Variants in USP16 observed in about 807,000 individuals in gnomAD.
USP16 encodes ubiquitin specific peptidase 16.
USP16 carries 77 observed loss-of-function variants against 95.9 expected under a neutral mutation model. That is an observed-to-expected ratio of 0.80 (90% CI 0.67 to 0.97). USP16 has a LOEUF of 0.97. USP16 is among the 50% of genes least tolerant of loss of function. The pLI, the probability that USP16 is intolerant of heterozygous loss-of-function variation, is 0.00. For missense variants in USP16, 943 were observed against 959.9 expected (o/e 0.98, Z 0.23); for synonymous variants, 303 against 318.2 (o/e 0.95, Z 0.51).
rs73901170 is a variant in USP16 at position 29,047,330 on chromosome 21, A to C, written c.2011+9A>C. 1 of 1,597,370 alleles carries C rather than the reference A, an allele frequency of 6.3e-7. No individual in the cohort carries two copies. The stretch of plus-strand genomic sequence containing the variant: ...AAAGGCAAATATAAAAGGTATTTTA[A>C]TGCTCTCACTGTAAGTAAAATTAAT... On this transcript the variant is annotated intron_variant, in intron 14 of 17. Transcript: ENST00000399976.
chr21:29,048,048 C>CGTGTGT (rs67919060), intron 14 of USP16, among the ~76,000 whole-genome samples: 3,414 of 123,736 alleles, frequency 0.028, 81 homozygotes, highest in African/African-American at 0.046. Flanking sequence ...AGAGACGATA[C>CGTGTGT]GTGTGTGTGT....
chr21:29,031,922 C>G (rs949951441), intron 3 of USP16, among the ~76,000 whole-genome samples: 2 of 152,114 alleles, frequency 1.3e-5, no homozygotes, highest in Non-Finnish European at 2.9e-5. Context: ...AACAACACAC[C>G]AATCGCAATC....
At chr21:29,033,840 G>A (rs985787445) in intron 3 of USP16, among the ~76,000 whole-genome samples, 3 of 152,198 alleles carry the variant, frequency 2.0e-5, no homozygotes, top group African/African-American at 7.2e-5. Context: ...TCTCATCTGG[G>A]AGATAAGTAT....
At chr21:29,038,186 G>C (rs2085190126) in intron 6 of USP16, 149 bp from the exon 7 acceptor site, 3 of 571,516 alleles carry the variant, frequency 5.2e-6, no homozygotes, top group Non-Finnish European at 9.4e-6. Context: ...AGAGTAGGGA[G>C]AGAAGCATCT....
chr21:29,038,261 T>C, intron 6 of USP16, 74 bp from the exon 7 acceptor site: 1 of 955,736 alleles, frequency 1.0e-6, no homozygotes. Context: ...TTTGATAGAA[T>C]AGACACTTAA....
Position 29,024,768 on chromosome 21 carries a change from G to A in USP16, c.-51G>A, listed in dbSNP as rs2084959571. The A allele has an allele frequency of 3.9e-6, 5 of 1,287,974 alleles. No homozygotes were observed. Among genetic ancestry groups the A allele is most frequent in the Non-Finnish European group, 5.1e-6 (5 of 988,346 alleles). The allele number at this position is 1,287,974 out of a possible 1,614,324, so 79.8% of individuals were successfully genotyped here. A position where few individuals can be genotyped will look rare whatever the true frequency, so the allele number is the denominator to read the frequency against. ...ATGAGGGGATGCAGTTATGGGCTCT[G>A]TCGCCGTGGGTGAGTTCTGGTCCCA... On this transcript the variant is annotated 5_prime_UTR_variant, in exon 1 of 18. Transcript: ENST00000399976.
Position 29,039,146 on chromosome 21 carries a change from G to A in USP16, c.853G>A (p.Val285Ile), listed in dbSNP as rs750472555. ...VVTPKELFSQVCKKAVRFKGY... is the reference protein window; with the variant it reads ...VVTPKELFSQICKKAVRFKGY... The stretch of plus-strand genomic sequence containing the variant: ...GACACCGAAAGAACTCTTTTCTCAG[G>A]TCTGTAAAAAGTGAGTATCCACTTC... Residue 285 changes from valine (V) to isoleucine (I), a missense_variant, in exon 8 of 18, where the codon GTC becomes ATC. Physicochemically the swap from Val to Ile is conservative, Grantham distance 29. Coordinates refer to ENST00000399976, the MANE Select transcript of USP16 (RefSeq NM_006447.3). The A allele has an allele frequency of 6.4e-7, 1 of 1,559,112 alleles. No individual in the cohort carries two copies. Among genetic ancestry groups the A allele is most frequent in the South Asian group, 1.2e-5 (1 of 82,170 alleles).
intron 1 of USP16, 83 bp from the exon 2 acceptor site, chr21:29,027,790 T>C: frequency 7.8e-6 from 7 of 899,786 alleles, no homozygotes; most frequent in Non-Finnish European, 1.3e-5. Flanking sequence ...ATAATATACG[T>C]GGCTTAGTTA....
intron 1 of USP16, among the ~76,000 whole-genome samples, chr21:29,026,015 G>C (rs13051884): frequency 0.015 from 2,330 of 152,372 alleles, 30 homozygotes; most frequent in Middle Eastern, 0.027. Flanking sequence ...GGGAAGTTCA[G>C]TGGAGAGGTT....
At chr21:29,048,542 A>T (rs576508294) in intron 14 of USP16, among the ~76,000 whole-genome samples, 11 of 152,306 alleles carry the variant, frequency 7.2e-5, no homozygotes, top group African/African-American at 2.2e-4. Context: ...TGATTTCATC[A>T]GTAAGAATTT....
At chr21:29,051,378 T>C (rs916065924) in intron 16 of USP16, among the ~76,000 whole-genome samples, 2 of 152,132 alleles carry the variant, frequency 1.3e-5, no homozygotes, top group African/African-American at 4.8e-5. Context: ...TCAGTACATA[T>C]GTGGCAGTTT....
intron 3 of USP16, among the ~76,000 whole-genome samples, chr21:29,031,529 C>A (rs560173027): frequency 6.6e-6 from 1 of 152,270 alleles, no homozygotes; most frequent in Non-Finnish European, 1.5e-5. Flanking sequence ...GCCTCCACCT[C>A]CCAGGTTCAA....
chr21:29,054,218 A>T lies in USP16; in HGVS notation c.*31A>T, dbSNP rs1269824155. 1.3e-6 allele frequency: 2 copies of T among 1,593,322 alleles called. No individual in the cohort carries two copies. The highest frequency in any genetic ancestry group is 1.7e-6 in the Non-Finnish European group (2 of 1,165,598). On this transcript the variant is annotated 3_prime_UTR_variant, in exon 18 of 18. Coordinates refer to ENST00000399976, the MANE Select transcript of USP16 (RefSeq NM_006447.3). ...TCAAAAGCACTTTTTCTGGAAACAC[A>T]TTTATGGCTTTTATAATGGCTGAAA...
chr21:29,049,990 C>G, intron 15 of USP16, 102 bp from the exon 16 acceptor site: 1 of 984,762 alleles, frequency 1.0e-6, no homozygotes, highest in Non-Finnish European at 1.5e-6. Context: ...TGAACTAGGA[C>G]TTAATGTTGA....
intron 4 of USP16, 84 bp downstream of exon 4, chr21:29,035,024 A>G: frequency 7.5e-7 from 1 of 1,341,596 alleles, no homozygotes. Flanking sequence ...TTAAGAAGAA[A>G]GCAATTTAAA....
intron 16 of USP16, 93 bp downstream of exon 16, chr21:29,050,271 G>A: frequency 9.3e-7 from 1 of 1,072,026 alleles, no homozygotes; most frequent in Non-Finnish European, 1.4e-6. Context: ...GTATGAAGTT[G>A]ATAACACTTA....
Position 29,027,993 on chromosome 21 carries a change from ATC to A in USP16, c.61+21_61+22del. On this transcript the variant is annotated intron_variant, in intron 2 of 17. Coordinates refer to ENST00000399976, the MANE Select transcript of USP16 (RefSeq NM_006447.3). Reference sequence around the variant, plus strand: ...ACTTTAGGTATATTTCATTGATTGAATCTTTAATGTTTATATCTCTAAATGAA... The same window carrying A: ...ACTTTAGGTATATTTCATTGATTGAATTTAATGTTTATATCTCTAAATGAA... The A allele has an allele frequency of 6.4e-7, 1 of 1,557,388 alleles. No homozygotes were observed. Among genetic ancestry groups the A allele is most frequent in the Non-Finnish European group, 8.9e-7 (1 of 1,129,390 alleles).
At chr21:29,049,885 G>A (rs565713503) in intron 15 of USP16, among the ~76,000 whole-genome samples, 1 of 152,156 alleles carries the variant, frequency 6.6e-6, no homozygotes, top group Non-Finnish European at 1.5e-5. Context: ...TAATGTGTTG[G>A]TGTGTGTTTT....
At chr21:29,035,518 G>GAT (rs1259891360) in intron 4 of USP16, among the ~76,000 whole-genome samples, 1 of 151,010 alleles carries the variant, frequency 6.6e-6, no homozygotes, top group African/African-American at 2.4e-5. Context: ...AGATTACAGG[G>GAT]ATGCACCACC....
Sources: allele counts gnomAD v4.1 joint callset (sites outside exome capture counted in the v4.1 genomes callset), GRCh38; gene constraint gnomAD v4.1.1; transcripts MANE v1.5; gene names NCBI Gene and HGNC (gene_info 2026-07-23, HGNC 2026-07-21).